AACS: variants seen among roughly 807,000 people sequenced by gnomAD.
AACS encodes the protein acetoacetate-CoA ligase.
In AACS, 69 loss-of-function variants were observed where a neutral mutation model predicts 83.1. That is an observed-to-expected ratio of 0.83 (90% CI 0.68 to 1.01). AACS has a LOEUF of 1.01. Among genes scored for constraint, AACS ranks in the 50% least tolerant of loss-of-function variants. AACS has a pLI of 0.00. For missense variants in AACS, 866 were observed against 882.2 expected (o/e 0.98, Z 0.23); for synonymous variants, 333 against 343.4 (o/e 0.97, Z 0.33).
In AACS at chr12:125,087,227, G is replaced by A. The variant is rs186597911; in HGVS notation, c.472+784G>A. 3.3e-5 allele frequency among the ~76,000 whole-genome samples: 5 copies of A among 152,352 alleles called. No individual in the cohort carries two copies. In the East Asian group the frequency reaches 9.7e-4, roughly 29 times the overall value. On this transcript the variant is annotated intron_variant, in intron 4 of 17. Coordinates refer to ENST00000316519, the MANE Select transcript of AACS (RefSeq NM_023928.5). ...GCAGGCCCCATTTGGGGATTGTTCT[G>A]GAAGGAGCAGGGGCTGGAATGTGTA...
chr12:125,101,111 A>C (rs1020453537), intron 5 of AACS: 2 of 152,208 alleles, frequency 1.3e-5, no homozygotes, highest in African/African-American at 4.8e-5. Context: ...ATGGCTACCC[A>C]TGTTTGCAGA....
At chr12:125,065,795 C>T (rs1012101219) in intron 1 of AACS, 78 bp downstream of exon 1, 2 of 1,411,828 alleles carry the variant, frequency 1.4e-6, no homozygotes, top group African/African-American at 3.0e-5. Flanking sequence ...CTCCCCATGG[C>T]TAGTTTCACG....
chr12:125,139,924 C>T (rs957857255), intron 17 of AACS: 12 of 152,174 alleles, frequency 7.9e-5, no homozygotes, highest in African/African-American at 2.9e-4. Context: ...GGTCCTGTGA[C>T]CCTGGTGAGG....
At chr12:125,073,780 G>A in intron 1 of AACS, 96 bp from the exon 2 acceptor site, 2 of 992,910 alleles carry the variant, frequency 2.0e-6, no homozygotes, top group Non-Finnish European at 3.0e-6. Context: ...AATTTGGCTC[G>A]CTTGGACATG....
intron 9 of AACS, among the ~76,000 whole-genome samples, chr12:125,116,419 C>T (rs1054253931): frequency 6.6e-6 from 1 of 152,096 alleles, no homozygotes; most frequent in Non-Finnish European, 1.5e-5. Flanking sequence ...TAGATTTTTC[C>T]TGGAGCAGCT....
At chr12:125,118,602 C>T (rs1363682118) in intron 9 of AACS, 39 bp from the exon 10 acceptor site, 16 of 1,611,434 alleles carry the variant, frequency 9.9e-6, no homozygotes, top group Non-Finnish European at 1.3e-5. Flanking sequence ...GGGGAGCTGC[C>T]TAGCGCCCGC....
intron 3 of AACS, among the ~76,000 whole-genome samples, chr12:125,082,432 T>C (rs1194718102): frequency 2.0e-5 from 3 of 149,782 alleles, no homozygotes; most frequent in African/African-American, 7.3e-5. Context: ...CATCTCAGCC[T>C]CCCAAAGTGC....
At chr12:125,098,182 C>T (rs1956651768) in intron 5 of AACS, among the ~76,000 whole-genome samples, 1 of 152,114 alleles carries the variant, frequency 6.6e-6, no homozygotes, top group African/African-American at 2.4e-5. Context: ...GTAATCCCAG[C>T]ACTTTGGGAG....
At chr12:125,096,427 A>G (rs369555529) in intron 5 of AACS, among the ~76,000 whole-genome samples, 3 of 152,358 alleles carry the variant, frequency 2.0e-5, no homozygotes, top group East Asian at 3.9e-4. Context: ...AGAGGGCACC[A>G]GTGTAGACAT....
At chr12:125,111,830 A>G (rs75832069) in intron 8 of AACS, among the ~76,000 whole-genome samples, 3,520 of 152,282 alleles carry the variant, frequency 0.023, 136 homozygotes, top group African/African-American at 0.08. Context: ...AGACTTGACC[A>G]TAAATATTTA....
At chr12:125,075,916 G>A (rs1382299730) in intron 2 of AACS, among the ~76,000 whole-genome samples, 1 of 152,150 alleles carries the variant, frequency 6.6e-6, no homozygotes, top group East Asian at 1.9e-4. Context: ...TTTTTAACCT[G>A]CAGCTTAGAA....
At chr12:125,103,213 A>G (rs1592975081) in intron 7 of AACS, 132 bp downstream of exon 7, 1 of 725,930 alleles carries the variant, frequency 1.4e-6, no homozygotes, top group East Asian at 2.6e-5. Flanking sequence ...AGTTAAAAGC[A>G]TCATTTTGTA....
At chr12:125,072,130 T>C (rs1337447632) in intron 1 of AACS, among the ~76,000 whole-genome samples, 1 of 150,866 alleles carries the variant, frequency 6.6e-6, no homozygotes, top group Admixed American at 6.6e-5. Flanking sequence ...GGGTTGGGAT[T>C]ACAGGCGTGA....
rs1289694510 is a variant in AACS, at chr12:125,065,682, G to A, written c.98G>A (p.Arg33Gln). The A allele has an allele frequency of 6.5e-7, 1 of 1,542,676 alleles. No homozygotes were observed. The highest frequency in any genetic ancestry group is 8.7e-7 in the Non-Finnish European group (1 of 1,143,500). The change falls in exon 1 of 18, where the codon CGG (arginine) becomes CAG (glutamine). Residue 33 changes from arginine to glutamine, a missense_variant. Physicochemically the swap from Arg to Gln is conservative, Grantham distance 43. Transcript: ENST00000316519. ...SKKNTQMDRF[R>Q]AAVGAACGLA... ...AAGAACACGCAGATGGACCGCTTCC[G>A]GGCGGCTGTGGGCGCCGCCTGCGGC...
intron 5 of AACS, among the ~76,000 whole-genome samples, chr12:125,099,073 G>C (rs956002632): frequency 1.8e-4 from 28 of 152,228 alleles, no homozygotes; most frequent in Admixed American, 2.6e-4. Context: ...CCTTTTGTCA[G>C]TGAGGAAGTA....
At chr12:125,110,363 G>A (rs1367242904) in intron 8 of AACS, among the ~76,000 whole-genome samples, 11 of 152,054 alleles carry the variant, frequency 7.2e-5, no homozygotes, top group African/African-American at 9.7e-5. Context: ...GAGCCGTCAC[G>A]CCCAGCTGAA....
At chr12:125,118,124 G>A (rs889368143) in intron 9 of AACS, 7 of 155,374 alleles carry the variant, frequency 4.5e-5, no homozygotes, top group African/African-American at 7.2e-5. Flanking sequence ...ACTGTAGCCC[G>A]CATGATTTGG....
intron 3 of AACS, among the ~76,000 whole-genome samples, chr12:125,079,306 C>T (rs760082145): frequency 9.2e-5 from 14 of 152,190 alleles, no homozygotes; most frequent in Admixed American, 1.3e-4. Flanking sequence ...GGTGACCTGG[C>T]TGCTGGGTGG....
chr12:125,078,738 T>C (rs1007547154), intron 3 of AACS, among the ~76,000 whole-genome samples: 2 of 148,932 alleles, frequency 1.3e-5, no homozygotes, highest in Non-Finnish European at 3.0e-5. Flanking sequence ...GGAGAATCGC[T>C]TGAACCCGGG....
Sources: gnomAD v4.1 joint callset for allele counts (sites outside exome capture counted in the v4.1 genomes callset) on GRCh38, gnomAD v4.1.1 for gene constraint, MANE v1.5 for transcripts, NCBI Gene and HGNC (gene_info 2026-07-23, HGNC 2026-07-21) for gene names.